DDX60L: variants seen among roughly 807,000 people sequenced by gnomAD.
DDX60L encodes probable ATP-dependent RNA helicase DDX60-like.
DDX60L carries 191 observed loss-of-function variants against 211.6 expected under a neutral mutation model. The observed-to-expected ratio is 0.90, with a 90% confidence interval of 0.80 to 1.02. DDX60L has a LOEUF of 1.02. DDX60L is among the 50% of genes least tolerant of loss of function. The probability of loss-of-function intolerance (pLI) is 0.00; values close to 1 mark genes in which losing one functional copy is unlikely to be tolerated. For synonymous variants in DDX60L, 706 were observed against 694.1 expected, an observed-to-expected ratio of 1.02 and a Z score of -0.27; for missense variants, 2,007 against 1,984.1, an observed-to-expected ratio of 1.01 and a Z score of -0.22.
chr4:168,441,671 T>A (rs1753858100), intron 9 of DDX60L, among the ~76,000 whole-genome samples, 179 bp from the exon 10 acceptor site: 1 of 152,112 alleles, frequency 6.6e-6, no homozygotes, highest in South Asian at 2.1e-4. Flanking sequence ...AGTACTTTTT[T>A]AAAGTCATTT....
intron 26 of DDX60L, among the ~76,000 whole-genome samples, chr4:168,400,309 T>C (rs1328082606): frequency 1.3e-5 from 2 of 152,210 alleles, no homozygotes; most frequent in African/African-American, 2.4e-5. Flanking sequence ...CTATTGTGAA[T>C]GGTGCTTCAG....
intron 30 of DDX60L, chr4:168,380,909 G>A (rs1044057301): frequency 1.3e-5 from 2 of 152,220 alleles, no homozygotes; most frequent in African/African-American, 4.8e-5. Context: ...TGGAGCAAAG[G>A]TCAATTTTGT....
intron 29 of DDX60L, among the ~76,000 whole-genome samples, chr4:168,387,700 A>G (rs867458245): frequency 3.3e-5 from 5 of 152,382 alleles, no homozygotes; most frequent in Middle Eastern, 6.8e-3. Flanking sequence ...CAGAAAAGTA[A>G]TTGGACGATC....
At chr4:168,449,652 C>CAAAAAAAAAAAAAAAAAAAAAAAATAA in intron 8 of DDX60L, among the ~76,000 whole-genome samples, 1 of 7,936 alleles carries the variant, frequency 1.3e-4, no homozygotes, top group African/African-American at 6.1e-4. Context: ...AAAAAAAATG[C>CAAAAAAAAAAAAAAAAAAAAAAAATAA]AAAAAAAAAA....
At chr4:168,470,817 G>A (rs1168775757) in intron 4 of DDX60L, 4 of 253,468 alleles carry the variant, frequency 1.6e-5, no homozygotes, top group Admixed American at 5.1e-5. Context: ...TTCAGCCTGT[G>A]CAAAAAGAGC....
At chr4:168,378,023 C>A (rs778874781) in intron 33 of DDX60L, among the ~76,000 whole-genome samples, 3 of 152,154 alleles carry the variant, frequency 2.0e-5, no homozygotes, top group South Asian at 2.1e-4. Flanking sequence ...CCATCCCTAG[C>A]TGTAAACAAT....
chr4:168,385,123 C>CG, intron 29 of DDX60L, among the ~76,000 whole-genome samples: 1 of 152,180 alleles, frequency 6.6e-6, no homozygotes, highest in East Asian at 1.9e-4. Flanking sequence ...AGCTTCAGGA[C>CG]GGGGACTGGT....
chr4:168,370,385 A>C lies in DDX60L; in HGVS notation c.4928+1227T>G, dbSNP rs1194911798. On this transcript the variant is annotated intron_variant, in intron 36 of 37. Coordinates refer to ENST00000682922, the MANE Select transcript of DDX60L (RefSeq NM_001012967.3). ...TTTAAAAAGAAGAAAAATTAATACA[A>C]TAGAAGTAGAGGGTAGAATAATGGT... is the stretch of plus-strand genomic sequence containing the variant. Among the ~76,000 whole-genome samples, 5 of 152,304 alleles carry C rather than the reference A, an allele frequency of 3.3e-5. No individual in the cohort carries two copies. The East Asian group carries it at 9.6e-4, about 29-fold the overall frequency.
chr4:168,383,617 T>C (rs911891166), intron 30 of DDX60L, among the ~76,000 whole-genome samples: 8 of 152,164 alleles, frequency 5.3e-5, no homozygotes, highest in Non-Finnish European at 1.2e-4. Flanking sequence ...AGAGTTCACA[T>C]AGGAAGTGGC....
At chr4:168,370,825 G>T (rs936431708) in intron 36 of DDX60L, among the ~76,000 whole-genome samples, 1 of 149,840 alleles carries the variant, frequency 6.7e-6, no homozygotes, top group Non-Finnish European at 1.5e-5. Context: ...CTGAATCACT[G>T]TTTAAAAGCA....
chr4:168,422,762 G>A, intron 15 of DDX60L, 92 bp from the exon 16 acceptor site: 1 of 1,021,322 alleles, frequency 9.8e-7, no homozygotes, highest in Non-Finnish European at 1.4e-6. Context: ...CTATGCACAA[G>A]GCATTTTTAC....
intron 1 of DDX60L, among the ~76,000 whole-genome samples, chr4:168,474,956 G>C (rs901580134): frequency 2.0e-5 from 3 of 152,156 alleles, no homozygotes; most frequent in African/African-American, 4.8e-5. Context: ...GCCACAGCTA[G>C]ATATATCCTG....
chr4:168,443,497 C>T (rs533610489), intron 9 of DDX60L, among the ~76,000 whole-genome samples: 4,238 of 151,612 alleles, frequency 0.028, 201 homozygotes, highest in African/African-American at 0.095. Flanking sequence ...GCAAGGCAGG[C>T]CAACGTTCAG....
intron 34 of DDX60L, 141 bp downstream of exon 34, chr4:168,375,235 TG>T: frequency 1.3e-6 from 1 of 791,154 alleles, no homozygotes; most frequent in Non-Finnish European, 1.9e-6. Context: ...AATTGTTTTC[TG>T]GGGATAAAAC....
intron 30 of DDX60L, among the ~76,000 whole-genome samples, chr4:168,383,874 G>A (rs1743386897): frequency 6.6e-6 from 1 of 152,204 alleles, no homozygotes; most frequent in Non-Finnish European, 1.5e-5. Flanking sequence ...TTGATCCTAG[G>A]TGTGTCTTTG....
At position 168,390,151 on chromosome 4, in the gene DDX60L, A is replaced by G. The variant is rs909773045; in HGVS notation, c.3915+1389T>C. The G allele has an allele frequency of 3.1e-5, 31 of 990,156 alleles. No individual in the cohort carries two copies. In the East Asian group the frequency reaches 3.3e-3, roughly 106 times the overall value. The allele number at this position is 990,156 out of a possible 1,614,324, so 61.3% of individuals were successfully genotyped here. A position where few individuals can be genotyped will look rare whatever the true frequency, so the allele number is the denominator to read the frequency against. On this transcript the variant is annotated intron_variant, in intron 29 of 37. Coordinates refer to ENST00000682922, the MANE Select transcript of DDX60L (RefSeq NM_001012967.3). Reference sequence around the variant, plus strand: ...TCCTAGGAGATAATGCTAAGTCATCAGGGCAGGATAACAAAGTAGTTCCAC... The same window carrying G: ...TCCTAGGAGATAATGCTAAGTCATCGGGGCAGGATAACAAAGTAGTTCCAC...
At chr4:168,428,256 T>C (rs1342210230) in intron 13 of DDX60L, among the ~76,000 whole-genome samples, 1 of 151,954 alleles carries the variant, frequency 6.6e-6, no homozygotes, top group Admixed American at 6.5e-5. Context: ...GCATGTGTTG[T>C]GTGGCTGGAT....
chr4:168,447,185 G>GA (rs1176499210), intron 9 of DDX60L, among the ~76,000 whole-genome samples: 6 of 149,208 alleles, frequency 4.0e-5, no homozygotes, highest in Non-Finnish European at 8.9e-5. Context: ...AAATTTACAA[G>GA]AAAAAAACAA....
chr4:168,408,771 A>G (rs553051098), intron 22 of DDX60L, among the ~76,000 whole-genome samples: 2 of 152,298 alleles, frequency 1.3e-5, no homozygotes, highest in Non-Finnish European at 2.9e-5. Flanking sequence ...CGGCAGCATA[A>G]TTTGTAGGAA....
Sources: gnomAD v4.1 joint callset for allele counts (sites outside exome capture counted in the v4.1 genomes callset) on GRCh38, gnomAD v4.1.1 for gene constraint, MANE v1.5 for transcripts, NCBI Gene and HGNC (gene_info 2026-07-23, HGNC 2026-07-21) for gene names.